SPAST: variants seen among roughly 807,000 people sequenced by gnomAD.
SPAST encodes the protein spastin.
SPAST carries 30 observed loss-of-function variants against 76.6 expected under a neutral mutation model. The ratio of observed to expected loss-of-function variants is 0.39; its 90% CI spans 0.29 to 0.53. The LOEUF (loss-of-function observed/expected upper bound fraction) is 0.53. Ranked by LOEUF, SPAST falls within the 20% of genes least tolerant of loss-of-function variation. The pLI is 0.68. For missense variants in SPAST, 717 were observed against 770.5 expected (o/e 0.93, Z 0.82); for synonymous variants, 305 against 281.0 (o/e 1.09, Z -0.86).
intron 4 of SPAST, 121 bp downstream of exon 4, chr2:32,099,012 G>T: frequency 1.4e-6 from 1 of 739,704 alleles, no homozygotes; most frequent in Non-Finnish European, 2.4e-6. Context: ...GTTTTCACAG[G>T]GCTGTGTTGA....
At chr2:32,133,270 T>G (rs951368495) in intron 9 of SPAST, among the ~76,000 whole-genome samples, 12 of 152,226 alleles carry the variant, frequency 7.9e-5, no homozygotes, top group Non-Finnish European at 1.6e-4. Flanking sequence ...GAAAAGTATT[T>G]ATAGCATAAG....
rs1440404043 is a variant in SPAST at position 32,155,774 on chromosome 2, A to C, written c.*1278A>C. On this transcript the variant is annotated 3_prime_UTR_variant, in exon 17 of 17. Coordinates refer to ENST00000315285, the MANE Select transcript of SPAST (RefSeq NM_014946.4). Reference sequence around the variant, plus strand: ...TAAAGGCAAATAGATATTTGCCCTTAGTTTACTGGTTAAAAGTTTGTTTAC... The same window carrying C: ...TAAAGGCAAATAGATATTTGCCCTTCGTTTACTGGTTAAAAGTTTGTTTAC... 6.6e-6 allele frequency: 1 copy of C among 152,512 alleles called. No homozygotes were observed. The highest frequency in any genetic ancestry group is 1.5e-5 in the Non-Finnish European group (1 of 68,002). The allele number at this position is 152,512 out of a possible 1,614,324, so 9.4% of individuals were successfully genotyped here. A position where few individuals can be genotyped will look rare whatever the true frequency, so the allele number is the denominator to read the frequency against.
At position 32,087,541 on chromosome 2, in the gene SPAST, ACTGG is replaced by A; in HGVS notation, c.466_469del (p.Leu156LysfsTer4). On this transcript the variant is annotated frameshift_variant, in exon 2 of 17. Transcript: ENST00000315285. LOFTEE classifies it high-confidence loss of function. Reference sequence around the variant, plus strand: ...AATGGTATAAGAAAGGTATTGAAGAACTGGAAAAAGGAATAGCTGTTATAGTTAC... The same window carrying A: ...AATGGTATAAGAAAGGTATTGAAGAAAAAAAGGAATAGCTGTTATAGTTAC... 1 of 1,609,016 alleles carries A rather than the reference ACTGG, an allele frequency of 6.2e-7. No homozygotes were observed. Among genetic ancestry groups the A allele is most frequent in the Non-Finnish European group, 8.5e-7 (1 of 1,176,186 alleles).
chr2:32,115,052 G>T (rs573990534), intron 5 of SPAST, among the ~76,000 whole-genome samples: 1 of 149,900 alleles, frequency 6.7e-6, no homozygotes, highest in Non-Finnish European at 1.5e-5. Flanking sequence ...AGGTTCAAGC[G>T]ATTCTCCTGC....
intron 1 of SPAST, among the ~76,000 whole-genome samples, chr2:32,075,474 T>G (rs1573046927): frequency 1.5e-5 from 2 of 129,364 alleles, no homozygotes; most frequent in South Asian, 2.8e-4. Context: ...GTGTTAATTG[T>G]GATGACAAAA....
At chr2:32,079,427 C>A (rs550478767) in intron 1 of SPAST, among the ~76,000 whole-genome samples, 1 of 151,652 alleles carries the variant, frequency 6.6e-6, no homozygotes, top group Non-Finnish European at 1.5e-5. Context: ...GGGAGAATCG[C>A]TTAAGCCTAG....
rs72862274 is a variant in SPAST at position 32,083,842 on chromosome 2, G to C, written c.416-3650G>C. 8.2e-3 allele frequency among the ~76,000 whole-genome samples: 1,116 copies of C among 136,140 alleles called. 21 individuals are homozygous for C. Among genetic ancestry groups the C allele is most frequent in the African/African-American group, 0.029 (1,037 of 35,856 alleles). 89.3% of individuals were successfully genotyped at this position (136,140 alleles called of 152,430 possible). Reference sequence around the variant, plus strand: ...AGGCTGGATGCAGTGGCATGATCTTGGCTTACCGCAACCTCAACCTCTGCC... The same window carrying C: ...AGGCTGGATGCAGTGGCATGATCTTCGCTTACCGCAACCTCAACCTCTGCC... On this transcript the variant is annotated intron_variant, in intron 1 of 16. Coordinates refer to ENST00000315285, the MANE Select transcript of SPAST (RefSeq NM_014946.4).
chr2:32,138,363 A>G (rs1679611494), intron 12 of SPAST, among the ~76,000 whole-genome samples: 1 of 151,738 alleles, frequency 6.6e-6, no homozygotes, highest in Non-Finnish European at 1.5e-5. Context: ...TTTTTTTGCC[A>G]TTTTATTAAT....
intron 1 of SPAST, among the ~76,000 whole-genome samples, chr2:32,075,696 C>G (rs1676931781): frequency 6.7e-6 from 1 of 150,136 alleles, no homozygotes; most frequent in Admixed American, 6.7e-5. Context: ...ACTACAGGCA[C>G]ATGGCACCAT....
At chr2:32,147,172 T>C in intron 15 of SPAST, 46 bp from the exon 16 acceptor site, 1 of 1,430,298 alleles carries the variant, frequency 7.0e-7, no homozygotes, top group Non-Finnish European at 9.9e-7. Context: ...CAATTTCAAC[T>C]GCAAAATGTA....
chr2:32,141,690 C>T (rs555088123), intron 12 of SPAST, among the ~76,000 whole-genome samples: 2 of 152,174 alleles, frequency 1.3e-5, no homozygotes, highest in Admixed American at 6.6e-5. Flanking sequence ...AAAACATATA[C>T]ATACATAAAT....
At chr2:32,147,343 TGG>T in intron 16 of SPAST, 85 bp downstream of exon 16, 4 of 483,784 alleles carry the variant, frequency 8.3e-6, no homozygotes, top group South Asian at 3.1e-5. Context: ...TGTGTGTGTG[TGG>T]TTTTTTTTTT....
intron 1 of SPAST, among the ~76,000 whole-genome samples, chr2:32,086,585 G>A (rs544283776): frequency 9.2e-5 from 14 of 151,840 alleles, no homozygotes; most frequent in South Asian, 2.1e-4. Context: ...TGAAAACCCC[G>A]TCTTTATACT....
chr2:32,089,094 C>A (rs1256961823), intron 2 of SPAST, among the ~76,000 whole-genome samples: 1 of 152,038 alleles, frequency 6.6e-6, no homozygotes, highest in Non-Finnish European at 1.5e-5. Context: ...CAGGGTCTCA[C>A]CCTGTTGCCC....
At chr2:32,104,280 C>G (rs1678234131) in intron 4 of SPAST, among the ~76,000 whole-genome samples, 1 of 151,968 alleles carries the variant, frequency 6.6e-6, no homozygotes. Flanking sequence ...GCAAACCCTG[C>G]TTTTTTTGTT....
intron 3 of SPAST, among the ~76,000 whole-genome samples, chr2:32,092,835 A>G (rs1677775030): frequency 6.6e-6 from 1 of 151,510 alleles, no homozygotes; most frequent in Admixed American, 6.6e-5. Flanking sequence ...GGTGAAACCT[A>G]ATCTCTACTA....
At chr2:32,070,403 C>T (rs1558611223) in intron 1 of SPAST, among the ~76,000 whole-genome samples, 1 of 152,032 alleles carries the variant, frequency 6.6e-6, no homozygotes, top group Non-Finnish European at 1.5e-5. Context: ...TCATAAAGGC[C>T]TTAATTTATC....
At chr2:32,067,835 TAAAAA>T (rs1197979814) in intron 1 of SPAST, among the ~76,000 whole-genome samples, 1 of 146,252 alleles carries the variant, frequency 6.8e-6, no homozygotes, top group South Asian at 2.1e-4. Flanking sequence ...TTTTGAACAA[TAAAAA>T]AAAAATAAAT....
At chr2:32,073,760 C>T (rs1032239185) in intron 1 of SPAST, among the ~76,000 whole-genome samples, 6 of 152,186 alleles carry the variant, frequency 3.9e-5, no homozygotes, top group African/African-American at 1.4e-4. Context: ...TACAATAAAA[C>T]ATCTTTGAAC....
Sources: allele counts gnomAD v4.1 joint callset (sites outside exome capture counted in the v4.1 genomes callset), GRCh38; gene constraint gnomAD v4.1.1; transcripts MANE v1.5; gene names NCBI Gene and HGNC (gene_info 2026-07-23, HGNC 2026-07-21).